DYM: variants seen among roughly 807,000 people sequenced by gnomAD.
DYM encodes the protein dymeclin.
DYM carries 78 observed loss-of-function variants against 93.1 expected under a neutral mutation model. The ratio of observed to expected loss-of-function variants is 0.84; its 90% CI spans 0.70 to 1.01. The LOEUF is 1.01. Among genes scored for constraint, DYM ranks in the 50% least tolerant of loss-of-function variants. DYM has a pLI of 0.00. For synonymous variants in DYM, 321 were observed against 319.7 expected, an observed-to-expected ratio of 1.00 and a Z score of -0.04; for missense variants, 789 against 845.0, an observed-to-expected ratio of 0.93 and a Z score of 0.82.
At chr18:49,104,780 AG>A (rs2080601104) in intron 16 of DYM, among the ~76,000 whole-genome samples, 1 of 152,188 alleles carries the variant, frequency 6.6e-6, no homozygotes, top group African/African-American at 2.4e-5. Flanking sequence ...ATGGTGGATA[AG>A]GTTTTTGATG....
At chr18:49,304,425 C>T (rs986565941) in intron 8 of DYM, among the ~76,000 whole-genome samples, 4 of 152,204 alleles carry the variant, frequency 2.6e-5, no homozygotes, top group African/African-American at 9.6e-5. Context: ...CCACAGCTCT[C>T]TTCATCCCAG....
chr18:49,130,264 A>G (rs1275305717), intron 15 of DYM, among the ~76,000 whole-genome samples: 1 of 152,240 alleles, frequency 6.6e-6, no homozygotes, highest in African/African-American at 2.4e-5. Flanking sequence ...CCCTTTAAGC[A>G]TAAAATAAAG....
At chr18:49,319,372 G>A (rs534462040) in intron 8 of DYM, among the ~76,000 whole-genome samples, 1 of 152,254 alleles carries the variant, frequency 6.6e-6, no homozygotes, top group African/African-American at 2.4e-5. Flanking sequence ...GGGTTAATCT[G>A]CACTTATTAT....
At chr18:49,345,852 C>A (rs2064546195) in intron 6 of DYM, among the ~76,000 whole-genome samples, 1 of 152,050 alleles carries the variant, frequency 6.6e-6, no homozygotes, top group Admixed American at 6.6e-5. Flanking sequence ...TAGAAAGATA[C>A]AACAGAGGCG....
intron 2 of DYM, among the ~76,000 whole-genome samples, chr18:49,399,333 G>A (rs570874120): frequency 2.6e-5 from 4 of 152,310 alleles, no homozygotes; most frequent in East Asian, 1.9e-4. Flanking sequence ...CAGAGGCATC[G>A]CAGTCACAGA....
rs1250102843 is a variant in DYM, at chr18:49,421,556, C to G, written c.140+8699G>C. The stretch of plus-strand genomic sequence containing the variant: ...CCACAAAGATGGGAAGAAACCAGAG[C>G]AGAAAAGCTGAAAATTCTAAAAATC... On this transcript the variant is annotated intron_variant, in intron 2 of 17. Transcript: ENST00000675505. Among the ~76,000 whole-genome samples, 5 of 152,168 alleles carry G rather than the reference C, an allele frequency of 3.3e-5. No individual in the cohort carries two copies. The East Asian group carries it at 9.6e-4, about 29-fold the overall frequency.
chr18:49,141,926 T>C (rs575176104), intron 15 of DYM, among the ~76,000 whole-genome samples: 3 of 152,190 alleles, frequency 2.0e-5, no homozygotes, highest in Non-Finnish European at 4.4e-5. Flanking sequence ...CAATCTCCGC[T>C]CACTGCAAGC....
At chr18:49,215,647 A>C (rs2143765841) in intron 13 of DYM, among the ~76,000 whole-genome samples, 1 of 152,376 alleles carries the variant, frequency 6.6e-6, no homozygotes, top group African/African-American at 2.4e-5. Context: ...AATGCTGCTT[A>C]AAATTATACA....
At chr18:49,088,950 C>T (rs921943633) in intron 17 of DYM, among the ~76,000 whole-genome samples, 2 of 152,256 alleles carry the variant, frequency 1.3e-5, no homozygotes, top group African/African-American at 4.8e-5. Context: ...CACCACCACA[C>T]CTGGCTAATA....
At chr18:49,319,755 G>A (rs539743871) in intron 8 of DYM, among the ~76,000 whole-genome samples, 7 of 152,172 alleles carry the variant, frequency 4.6e-5, no homozygotes, top group Non-Finnish European at 8.8e-5. Flanking sequence ...AGACCTTTCT[G>A]ATGCCAAAAG....
At chr18:49,076,888 A>C (rs765655621) in intron 17 of DYM, among the ~76,000 whole-genome samples, 2 of 152,206 alleles carry the variant, frequency 1.3e-5, no homozygotes, top group Non-Finnish European at 2.9e-5. Context: ...TCAGAAGCTT[A>C]ACTCGTATAT....
chr18:49,099,791 CT>C (rs1448116640), intron 16 of DYM, among the ~76,000 whole-genome samples: 1 of 152,134 alleles, frequency 6.6e-6, no homozygotes, highest in Non-Finnish European at 1.5e-5. Flanking sequence ...GCCTAAAAGT[CT>C]TCCTGATAAC....
intron 2 of DYM, among the ~76,000 whole-genome samples, chr18:49,393,491 A>C (rs8094085): frequency 1 from 152,018 of 152,322 alleles, 75,860 homozygotes; most frequent in Middle Eastern, 1. Context: ...GGGAATTTTG[A>C]CAGGCGCGGT....
chr18:49,227,213 A>G (rs2093563712), intron 13 of DYM, among the ~76,000 whole-genome samples: 1 of 152,182 alleles, frequency 6.6e-6, no homozygotes, highest in Admixed American at 6.5e-5. Context: ...AACGATTTAT[A>G]GCCATTATAA....
At chr18:49,374,520 G>T (rs918812498) in intron 5 of DYM, among the ~76,000 whole-genome samples, 4 of 152,230 alleles carry the variant, frequency 2.6e-5, no homozygotes, top group Non-Finnish European at 5.9e-5. Context: ...ATCAAATGTG[G>T]AGTCAAAGGG....
At chr18:49,258,781 GACAC>G (rs61429427) in intron 11 of DYM, among the ~76,000 whole-genome samples, 12,024 of 111,220 alleles carry the variant, frequency 0.11, 713 homozygotes, top group East Asian at 0.32. Context: ...AGGGATCATA[GACAC>G]ACACACACAC....
intron 1 of DYM, among the ~76,000 whole-genome samples, chr18:49,439,153 A>G (rs938854461): frequency 6.6e-6 from 1 of 152,140 alleles, no homozygotes; most frequent in Non-Finnish European, 1.5e-5. Context: ...AGTTCTGTTG[A>G]TATCTCTAAA....
intron 6 of DYM, among the ~76,000 whole-genome samples, chr18:49,334,844 G>A (rs1216639037): frequency 2.0e-5 from 3 of 152,280 alleles, no homozygotes; most frequent in Admixed American, 6.5e-5. Flanking sequence ...AGTGGCTCAC[G>A]CCTGTAATCC....
At chr18:49,133,719 T>G (rs558361846) in intron 15 of DYM, among the ~76,000 whole-genome samples, 1 of 152,306 alleles carries the variant, frequency 6.6e-6, no homozygotes, top group South Asian at 2.1e-4. Flanking sequence ...CTGGTACATC[T>G]CTCCTGCTTT....
Sources: gnomAD v4.1 joint callset for allele counts (sites outside exome capture counted in the v4.1 genomes callset) on GRCh38, gnomAD v4.1.1 for gene constraint, MANE v1.5 for transcripts, NCBI Gene and HGNC (gene_info 2026-07-23, HGNC 2026-07-21) for gene names.